The following CNTRL variants were observed in gnomAD, a reference collection of about 807,000 sequenced individuals.
CNTRL encodes the protein centriolin, also known as 110 kDa centrosomal protein.
In CNTRL, 233 loss-of-function variants were observed where a neutral mutation model predicts 303.7. That is an observed-to-expected ratio of 0.77 (90% CI 0.69 to 0.86). The LOEUF is 0.86. Among genes scored for constraint, CNTRL ranks in the 40% least tolerant of loss-of-function variants. The pLI, the probability that CNTRL is intolerant of heterozygous loss-of-function variation, is 0.00. For synonymous variants in CNTRL, 900 were observed against 922.2 expected, an observed-to-expected ratio of 0.98 and a Z score of 0.44; for missense variants, 2,524 against 2,650.6, an observed-to-expected ratio of 0.95 and a Z score of 1.05.
intron 24 of CNTRL, 92 bp from the exon 25 acceptor site, chr9:121,150,078 G>C: frequency 1.0e-6 from 1 of 968,240 alleles, no homozygotes; most frequent in Non-Finnish European, 1.5e-6. Context: ...TGGCTTAAAT[G>C]CTGCTGTTCT....
intron 12 of CNTRL, 106 bp downstream of exon 12, chr9:121,118,646 T>A: frequency 1.1e-6 from 1 of 947,412 alleles, no homozygotes; most frequent in Non-Finnish European, 1.5e-6. Flanking sequence ...TTTAGTTTGA[T>A]GTACAAATTT....
intron 4 of CNTRL, among the ~76,000 whole-genome samples, chr9:121,093,070 G>A (rs2048736691): frequency 6.6e-6 from 1 of 151,510 alleles, no homozygotes; most frequent in Non-Finnish European, 1.5e-5. Flanking sequence ...GCTTCCCAAA[G>A]TGTTGGGATT....
intron 5 of CNTRL, among the ~76,000 whole-genome samples, chr9:121,095,564 CT>C (rs1478962442): frequency 1.3e-5 from 2 of 152,066 alleles, no homozygotes; most frequent in Non-Finnish European, 1.5e-5. Context: ...AGAATCAAAT[CT>C]TGAAATTCTT....
chr9:121,078,251 A>T (rs989019529), intron 1 of CNTRL, among the ~76,000 whole-genome samples: 7 of 151,734 alleles, frequency 4.6e-5, no homozygotes, highest in African/African-American at 1.5e-4. Flanking sequence ...TACTAAAAAT[A>T]AAAAAAATTA....
intron 10 of CNTRL, among the ~76,000 whole-genome samples, 169 bp from the exon 11 acceptor site, chr9:121,114,922 T>G (rs2049908770): frequency 6.6e-6 from 1 of 152,180 alleles, no homozygotes; most frequent in Non-Finnish European, 1.5e-5. Flanking sequence ...GATTAATAAA[T>G]AGACAAAAGC....
chr9:121,084,328 G>C (rs914540365), intron 2 of CNTRL, among the ~76,000 whole-genome samples: 2 of 152,120 alleles, frequency 1.3e-5, no homozygotes, highest in African/African-American at 2.4e-5. Flanking sequence ...TGCAAATGTA[G>C]GACTCTTGAT....
At chr9:121,134,656 G>T (rs1217259628) in intron 14 of CNTRL, among the ~76,000 whole-genome samples, 1 of 152,190 alleles carries the variant, frequency 6.6e-6, no homozygotes, top group Non-Finnish European at 1.5e-5. Flanking sequence ...GAATGTGTGT[G>T]TGTGTGCACA....
At chr9:121,131,309 G>A (rs1208219443) in intron 14 of CNTRL, among the ~76,000 whole-genome samples, 1 of 152,144 alleles carries the variant, frequency 6.6e-6, no homozygotes, top group African/African-American at 2.4e-5. Flanking sequence ...ATGAATCTGG[G>A]TTCTCCTGTA....
chr9:121,081,017 TG>T (rs2048116873), intron 2 of CNTRL, among the ~76,000 whole-genome samples: 1 of 152,154 alleles, frequency 6.6e-6, no homozygotes, highest in Non-Finnish European at 1.5e-5. Context: ...TTGGACAAAA[TG>T]GGTATGATCT....
Position 121,144,080 on chromosome 9 carries a change from G to C in CNTRL, c.3049G>C (p.Glu1017Gln). The C allele has an allele frequency of 6.2e-7, 1 of 1,607,256 alleles. No individual in the cohort carries two copies. Residue 1017 changes from glutamate (E) to glutamine (Q), a missense_variant and splice_region_variant, in exon 20 of 44, where the codon GAG becomes CAG. Physicochemically the swap from Glu to Gln is conservative, Grantham distance 29. Transcript: ENST00000373855. ...TATGAAAATTAACCAGGAGCGAGCA[G>C]AGGTGAGTTCACATGTACAGAACAG... Reference protein sequence around the residue: ...TVMKINQERAEELQEAERFSR... With the variant: ...TVMKINQERAQELQEAERFSR...
At chr9:121,157,019 G>T (rs1229885768) in intron 27 of CNTRL, among the ~76,000 whole-genome samples, 2 of 152,114 alleles carry the variant, frequency 1.3e-5, no homozygotes, top group African/African-American at 4.8e-5. Flanking sequence ...GAAATAAAAA[G>T]CATCTTTAGT....
At chr9:121,075,117 G>C (rs1281547659) in intron 1 of CNTRL, 50 bp downstream of exon 1, 3 of 358,518 alleles carry the variant, frequency 8.4e-6, no homozygotes, top group Non-Finnish European at 1.7e-5. Context: ...GGCCCGAGCA[G>C]TGGGGGCCGG....
chr9:121,174,701 A>G (rs1483082288), intron 42 of CNTRL, among the ~76,000 whole-genome samples: 1 of 152,254 alleles, frequency 6.6e-6, no homozygotes, highest in African/African-American at 2.4e-5. Context: ...TGATCTTCTC[A>G]GTCATAACAG....
chr9:121,113,693 ACTGG>A lies in CNTRL; in HGVS notation c.1315_1318del (p.Leu439LysfsTer7). ...GAGGCCACACACCACTGGACACGCA[ACTGG>A]AAGACAAAGAAAAAAAAATAAGTGC... On this transcript the variant is annotated frameshift_variant, in exon 10 of 44. Transcript: ENST00000373855. LOFTEE classifies it high-confidence loss of function. 6.5e-7 allele frequency: 1 copy of A among 1,544,626 alleles called. No individual in the cohort carries two copies. Among genetic ancestry groups the A allele is most frequent in the Non-Finnish European group, 8.7e-7 (1 of 1,154,780 alleles).
intron 23 of CNTRL, among the ~76,000 whole-genome samples, chr9:121,146,801 T>C (rs1359515176): frequency 2.6e-5 from 4 of 152,118 alleles, no homozygotes; most frequent in Non-Finnish European, 5.9e-5. Context: ...TGATGGGAAG[T>C]TCAGGAAGGA....
At chr9:121,090,980 A>G (rs2048544644) in intron 4 of CNTRL, among the ~76,000 whole-genome samples, 1 of 152,212 alleles carries the variant, frequency 6.6e-6, no homozygotes, top group Non-Finnish European at 1.5e-5. Flanking sequence ...AGGCCTAAAG[A>G]GAGCTTGTGA....
chr9:121,176,930 A>G (rs2053549552), intron 43 of CNTRL, among the ~76,000 whole-genome samples: 2 of 92,836 alleles, frequency 2.2e-5, no homozygotes, highest in Admixed American at 1.5e-4. Flanking sequence ...TAGATGTTAC[A>G]GATTTTTTTT....
chr9:121,172,520 A>G (rs1195763574), intron 40 of CNTRL, among the ~76,000 whole-genome samples: 2 of 152,176 alleles, frequency 1.3e-5, no homozygotes, highest in Non-Finnish European at 2.9e-5. Flanking sequence ...GTACACCTGT[A>G]GTCCCAGCTA....
rs781649040 is a variant in CNTRL at position 121,152,652 on chromosome 9, A to G, written c.4131A>G (p.Val1377=). The G allele has an allele frequency of 3.1e-6, 5 of 1,614,006 alleles. No homozygotes were observed. Among genetic ancestry groups the G allele is most frequent in the Non-Finnish European group, 2.5e-6 (3 of 1,179,860 alleles). Residue 1377 remains valine (V), a synonymous_variant, in exon 26 of 44, where the codon GTA becomes GTG. Transcript: ENST00000373855. ...AGAAGAAAAGCTTAGAGTGTGAAGT[A>G]GAAGAATTACATAGAACTGTCCAGA... is the stretch of plus-strand genomic sequence containing the variant. The part of the protein sequence containing the change: ...LQEKKSLECE[V]EELHRTVQKR...
Sources: gnomAD v4.1 joint callset for allele counts (sites outside exome capture counted in the v4.1 genomes callset) on GRCh38, gnomAD v4.1.1 for gene constraint, MANE v1.5 for transcripts, NCBI Gene and HGNC (gene_info 2026-07-23, HGNC 2026-07-21) for gene names.